WDFY1: variants seen among roughly 807,000 people sequenced by gnomAD.
WDFY1 encodes the protein WD repeat and FYVE domain containing 1.
Under a neutral mutation model 56.4 loss-of-function variants are expected in WDFY1, and 32 were observed. The observed-to-expected ratio is 0.57, with a 90% CI of 0.43 to 0.76. The LOEUF (loss-of-function observed/expected upper bound fraction) is 0.76. Ranked by LOEUF, WDFY1 falls within the 30% of genes least tolerant of loss-of-function variation. The pLI, the probability that WDFY1 is intolerant of heterozygous loss-of-function variation, is 0.00. For missense variants in WDFY1, 480 were observed against 545.7 expected (o/e 0.88, Z 1.20); for synonymous variants, 192 against 197.3 (o/e 0.97, Z 0.23).
chr2:223,933,789 C>CA (rs1455954230), intron 1 of WDFY1, among the ~76,000 whole-genome samples: 1 of 101,960 alleles, frequency 9.8e-6, no homozygotes, highest in Non-Finnish European at 2.2e-5. Flanking sequence ...AGACCCCCCC[C>CA]CATCTCTACA....
rs1055173865 is a variant in WDFY1 at position 223,932,416 on chromosome 2, C to T, written c.137+12732G>A. 3.9e-5 allele frequency among the ~76,000 whole-genome samples: 6 copies of T among 152,258 alleles called. No individual in the cohort carries two copies. The South Asian group carries it at 8.3e-4, about 21-fold the overall frequency. On this transcript the variant is annotated intron_variant, in intron 1 of 11. Coordinates refer to ENST00000233055, the MANE Select transcript of WDFY1 (RefSeq NM_020830.5). ...GGATTACAGGCATGAGCCATGGCGC[C>T]GGGTCGATTACCTTGAAATTGATGT...
At chr2:223,895,433 G>A (rs918369889) in intron 7 of WDFY1, 71 bp downstream of exon 7, 2 of 1,607,108 alleles carry the variant, frequency 1.2e-6, no homozygotes, top group African/African-American at 2.7e-5. Flanking sequence ...AGTGGTATCA[G>A]ACTATTAATG....
At chr2:223,904,999 T>C (rs1693572138) in intron 4 of WDFY1, among the ~76,000 whole-genome samples, 1 of 152,196 alleles carries the variant, frequency 6.6e-6, no homozygotes, top group Non-Finnish European at 1.5e-5. Flanking sequence ...ACAATTCAGT[T>C]AGAAAACACT....
intron 1 of WDFY1, among the ~76,000 whole-genome samples, chr2:223,940,125 C>T (rs1275817223): frequency 6.6e-6 from 1 of 152,158 alleles, no homozygotes; most frequent in Admixed American, 6.5e-5. Flanking sequence ...TCAAGACCAG[C>T]CTGGCCAAGA....
chr2:223,890,487 G>T (rs1574760205), intron 8 of WDFY1, among the ~76,000 whole-genome samples: 1 of 152,130 alleles, frequency 6.6e-6, no homozygotes, highest in Admixed American at 6.5e-5. Context: ...TAGCTTTTTA[G>T]AACATATTTT....
rs2106067169 is a variant in WDFY1 at position 223,877,450 on chromosome 2, A to T, written c.*1221T>A. On this transcript the variant is annotated 3_prime_UTR_variant, in exon 12 of 12. Transcript: ENST00000233055. ...GATATATGTACTGTTGTCAAAAAAA[A>T]TCAAACACACAAATACTGGAATATT... is the stretch of plus-strand genomic sequence containing the variant. The T allele has an allele frequency of 6.6e-6, 1 of 152,198 alleles. No individual in the cohort carries two copies. The highest frequency in any genetic ancestry group is 1.9e-4 in the East Asian group (1 of 5,202). The allele number at this position is 152,198 out of a possible 1,614,324, so 9.4% of individuals were successfully genotyped here. A position where few individuals can be genotyped will look rare whatever the true frequency, so the allele number is the denominator to read the frequency against.
At chr2:223,930,287 CA>C (rs1694053132) in intron 1 of WDFY1, among the ~76,000 whole-genome samples, 1 of 152,230 alleles carries the variant, frequency 6.6e-6, no homozygotes, top group African/African-American at 2.4e-5. Flanking sequence ...TACAATCAGC[CA>C]TTTTGCAGCT....
In WDFY1 at chr2:223,895,036, C is replaced by G. The variant is rs544966952; in HGVS notation, c.725+468G>C. Among the ~76,000 whole-genome samples the G allele has an allele frequency of 4.6e-5, 7 of 152,284 alleles. No individual in the cohort carries two copies. In the South Asian group the frequency reaches 1.5e-3, roughly 32 times the overall value. ...TACAATGGTATCACTCAGGTGAATT[C>G]CACTGTCAAACTAGACAACATTTCT... On this transcript the variant is annotated intron_variant, in intron 7 of 11. Transcript: ENST00000233055.
intron 1 of WDFY1, among the ~76,000 whole-genome samples, chr2:223,935,273 G>A (rs760013060): frequency 2.0e-5 from 3 of 152,136 alleles, no homozygotes; most frequent in Non-Finnish European, 4.4e-5. Flanking sequence ...CCACACAGGC[G>A]ACTTTTTACT....
At chr2:223,929,433 C>T (rs1694040317) in intron 1 of WDFY1, among the ~76,000 whole-genome samples, 1 of 152,058 alleles carries the variant, frequency 6.6e-6, no homozygotes, top group African/African-American at 2.4e-5. Flanking sequence ...GGTGATCTGC[C>T]CACCTCGATC....
At chr2:223,912,431 C>G (rs1300145126) in intron 2 of WDFY1, 105 bp from the exon 3 acceptor site, 1 of 836,558 alleles carries the variant, frequency 1.2e-6, no homozygotes, top group Non-Finnish European at 1.7e-6. Context: ...TTTAGGTTCA[C>G]AGAAAGAGGG....
At chr2:223,940,820 T>G (rs141714724) in intron 1 of WDFY1, among the ~76,000 whole-genome samples, 1 of 151,636 alleles carries the variant, frequency 6.6e-6, no homozygotes, top group Non-Finnish European at 1.5e-5. Flanking sequence ...TTTTTGTGGG[T>G]TTTTTTGTTT....
At chr2:223,931,675 T>C (rs1391625539) in intron 1 of WDFY1, among the ~76,000 whole-genome samples, 1 of 101,272 alleles carries the variant, frequency 9.9e-6, no homozygotes, top group Non-Finnish European at 2.2e-5. Flanking sequence ...GAGTCATTAA[T>C]ATTTTTCTTT....
At position 223,878,043 on chromosome 2, in the gene WDFY1, C is replaced by G. The variant is rs1462900244; in HGVS notation, c.*628G>C. The G allele has an allele frequency of 2.0e-5, 3 of 152,646 alleles. No individual in the cohort carries two copies. The highest frequency in any genetic ancestry group is 4.4e-5 in the Non-Finnish European group (3 of 68,048). The allele number at this position is 152,646 out of a possible 1,614,324, so 9.5% of individuals were successfully genotyped here. ...ACCCCGAAAGTTCACCTGTGGCATA[C>G]TGGCTGGGAAGAGAAACAACTGAAG... On this transcript the variant is annotated 3_prime_UTR_variant, in exon 12 of 12. Coordinates refer to ENST00000233055, the MANE Select transcript of WDFY1 (RefSeq NM_020830.5).
intron 2 of WDFY1, among the ~76,000 whole-genome samples, chr2:223,913,028 A>C (rs1012326176): frequency 1.3e-5 from 2 of 152,180 alleles, no homozygotes; most frequent in Non-Finnish European, 2.9e-5. Context: ...AAGGAAATGC[A>C]TGCTAGGGAA....
rs201743324 is a variant in WDFY1 at position 223,904,607 on chromosome 2, AT to A, written c.334+1339del. ...GTGAAACAATATGTAGGGAAAAGCA[AT>A]TTGGCCTTCTTATTAAAGTATCCTA... is the stretch of plus-strand genomic sequence containing the variant. On this transcript the variant is annotated intron_variant, in intron 4 of 11. Transcript: ENST00000233055. 9.4e-3 allele frequency among the ~76,000 whole-genome samples: 1,426 copies of A among 152,236 alleles called. 22 individuals carry two copies. The highest frequency in any genetic ancestry group is 0.032 in the African/African-American group (1,330 of 41,550).
At chr2:223,879,439 T>C (rs1388189704) in intron 11 of WDFY1, among the ~76,000 whole-genome samples, 1 of 151,998 alleles carries the variant, frequency 6.6e-6, no homozygotes, top group Non-Finnish European at 1.5e-5. Context: ...GAGGATCGCT[T>C]GAGCCGAGGA....
chr2:223,906,981 TTA>T (rs1693607225), intron 3 of WDFY1, among the ~76,000 whole-genome samples: 6 of 151,036 alleles, frequency 4.0e-5, no homozygotes, highest in African/African-American at 7.3e-5. Flanking sequence ...ATTATTATTA[TTA>T]TATTATTTTG....
intron 1 of WDFY1, among the ~76,000 whole-genome samples, chr2:223,942,525 A>T (rs144843488): frequency 0.44 from 35,134 of 80,498 alleles, 6,828 homozygotes; most frequent in Non-Finnish European, 0.53. Flanking sequence ...GCCAAAGGCT[A>T]ACTTTTTTTT....
Sources: gnomAD v4.1 joint callset for allele counts (sites outside exome capture counted in the v4.1 genomes callset) on GRCh38, gnomAD v4.1.1 for gene constraint, MANE v1.5 for transcripts, NCBI Gene and HGNC (gene_info 2026-07-23, HGNC 2026-07-21) for gene names.